TRNT1: variants seen among roughly 807,000 people sequenced by gnomAD.
The protein encoded by TRNT1 is tRNA nucleotidyl transferase 1.
In TRNT1, 44 loss-of-function variants were observed where a neutral mutation model predicts 45.6. The observed-to-expected ratio is 0.97, with a 90% CI of 0.76 to 1.24. TRNT1 has a LOEUF of 1.24. TRNT1 is among the 50% of genes most tolerant of loss of function. TRNT1 has a pLI of 0.00. For synonymous variants in TRNT1, 201 were observed against 171.4 expected (o/e 1.17, Z -1.35); for missense variants, 633 against 504.4 (o/e 1.25, Z -2.44).
At chr3:3,132,937 A>ATCTT (rs1322692373) in intron 2 of TRNT1, among the ~76,000 whole-genome samples, 1 of 152,102 alleles carries the variant, frequency 6.6e-6, no homozygotes, top group Non-Finnish European at 1.5e-5. Flanking sequence ...CAAGAATGGA[A>ATCTT]TCTTTTAGTG....
rs530118123 is a variant in TRNT1, at chr3:3,148,086, G to C, written c.1237G>C (p.Glu413Gln). The change falls in exon 8 of 8, where the codon GAA becomes CAA. Residue 413 changes from glutamate to glutamine, a missense_variant. Transcript: ENST00000251607. ...TGGGGCTCTATTACAACAGTTGCGA[G>C]AACAGTGGAAAAAAAGTGGTTACCA... ...EIGALLQQLR[E>Q]QWKKSGYQME... The C allele has an allele frequency of 1.9e-6, 3 of 1,613,692 alleles. No homozygotes were observed. Among genetic ancestry groups the C allele is most frequent in the East Asian group, 4.5e-5 (2 of 44,890 alleles).
intron 5 of TRNT1, among the ~76,000 whole-genome samples, chr3:3,146,079 GTTT>G (rs1005077606): frequency 6.9e-6 from 1 of 145,244 alleles, no homozygotes; most frequent in South Asian, 2.2e-4. Context: ...CAAGAATGCT[GTTT>G]TTTTTTTCAT....
intron 2 of TRNT1, chr3:3,130,238 A>C: frequency 2.5e-6 from 1 of 395,992 alleles, no homozygotes; most frequent in Non-Finnish European, 4.6e-6. Flanking sequence ...TTTAAAGCAC[A>C]CATGCTCGGG....
chr3:3,139,727 ATTTC>A (rs1408832166), intron 3 of TRNT1, among the ~76,000 whole-genome samples: 2 of 151,926 alleles, frequency 1.3e-5, no homozygotes, highest in African/African-American at 4.8e-5. Context: ...CTTTATTTTA[ATTTC>A]TTTCTTTCTC....
chr3:3,135,931 T>G (rs76820678), intron 2 of TRNT1, among the ~76,000 whole-genome samples: 1 of 152,168 alleles, frequency 6.6e-6, no homozygotes, highest in African/African-American at 2.4e-5. Context: ...TGACTTCTTA[T>G]AGGAGTTGGG....
chr3:3,137,710 G>A (rs1001413427), intron 3 of TRNT1, among the ~76,000 whole-genome samples: 1 of 149,978 alleles, frequency 6.7e-6, no homozygotes, highest in African/African-American at 2.5e-5. Context: ...GATGTGTTAC[G>A]TATTGACTTT....
chr3:3,144,236 C>A (rs564615781), intron 4 of TRNT1, among the ~76,000 whole-genome samples: 2 of 152,110 alleles, frequency 1.3e-5, no homozygotes, highest in Non-Finnish European at 2.9e-5. Flanking sequence ...AATCCTGTTA[C>A]GTATTTTTTC....
At chr3:3,132,562 T>C (rs2126008671) in intron 2 of TRNT1, among the ~76,000 whole-genome samples, 1 of 79,444 alleles carries the variant, frequency 1.3e-5, no homozygotes, top group East Asian at 4.1e-4. Flanking sequence ...GGGATAGCAT[T>C]GGGAGATATA....
chr3:3,144,650 T>A lies in TRNT1; in HGVS notation c.548T>A (p.Phe183Tyr). 1 of 1,582,790 alleles carries A rather than the reference T, an allele frequency of 6.3e-7. No individual in the cohort carries two copies. Among genetic ancestry groups the A allele is most frequent in the African/African-American group, 1.3e-5 (1 of 74,176 alleles). ...GATTTAAAAAATAAGAAAGTTAGAT[T>A]TGTTGGACATGCTAAACAGAGAATA... Reference protein sequence around the residue: ...YEDLKNKKVRFVGHAKQRIQE... With the variant: ...YEDLKNKKVRYVGHAKQRIQE... The change falls in exon 5 of 8, where the codon TTT becomes TAT. Residue 183 changes from phenylalanine (F) to tyrosine (Y), a missense_variant. Physicochemically the swap from Phe to Tyr is conservative, Grantham distance 22. Coordinates refer to ENST00000251607, the MANE Select transcript of TRNT1 (RefSeq NM_182916.3).
At position 3,147,710 on chromosome 3, in the gene TRNT1, A is replaced by G; in HGVS notation, c.1056+7A>G. On this transcript the variant is annotated splice_region_variant and intron_variant, in intron 7 of 7. Transcript: ENST00000251607. ...TCAAGACTTCATTATAGATGTAAGT[A>G]TATACTAGGCTTGGTCAGAAATATG... The G allele has an allele frequency of 1.9e-6, 3 of 1,597,774 alleles. No homozygotes were observed. The highest frequency in any genetic ancestry group is 1.7e-5 in the Admixed American group (1 of 57,242).
In TRNT1 at chr3:3,147,925, C is replaced by T; in HGVS notation, c.1076C>T (p.Thr359Ile). The T allele has an allele frequency of 6.2e-7, 1 of 1,613,100 alleles. No individual in the cohort carries two copies. The highest frequency in any genetic ancestry group is 8.5e-7 in the Non-Finnish European group (1 of 1,179,472). The change falls in exon 8 of 8, where the codon ACT becomes ATT. Residue 359 changes from threonine to isoleucine, a missense_variant. By Grantham distance (89) the Thr-to-Ile change is moderately conservative. Transcript: ENST00000251607. The part of the protein sequence containing the change: ...FIIDSREPDA[T>I]TRVCELLKYQ... The stretch of plus-strand genomic sequence containing the variant: ...ACGTAGTCTAGGGAACCTGATGCAA[C>T]TACTCGTGTATGTGAACTACTGAAG...
At chr3:3,136,818 C>G in intron 2 of TRNT1, 1 of 333,240 alleles carries the variant, frequency 3.0e-6, no homozygotes, top group South Asian at 2.3e-5. Flanking sequence ...CTGAACCTGG[C>G]TATTTTTATT....
In TRNT1 at chr3:3,128,598, C is replaced by CAAAAAAA. The variant is rs111647168; in HGVS notation, c.-27-399_-27-393dup. 2.1e-4 allele frequency among the ~76,000 whole-genome samples: 20 copies of CAAAAAAA among 96,060 alleles called. 1 individual carries two copies. Among genetic ancestry groups the CAAAAAAA allele is most frequent in the South Asian group, 5.6e-4 (1 of 1,786 alleles). 63.0% of individuals were successfully genotyped at this position (96,060 alleles called of 152,430 possible). Reference sequence around the variant, plus strand: ...TGAGCGACAGAGCGAGACTCCATCTCAAAAAAAAAAAAAAAAAAAAAAAGA... The same window carrying CAAAAAAA: ...TGAGCGACAGAGCGAGACTCCATCTCAAAAAAAAAAAAAAAAAAAAAAAAAAAAAAGA... On this transcript the variant is annotated intron_variant, in intron 1 of 7. Transcript: ENST00000251607.
At chr3:3,138,207 C>G (rs564870578) in intron 3 of TRNT1, among the ~76,000 whole-genome samples, 1 of 152,136 alleles carries the variant, frequency 6.6e-6, no homozygotes, top group Admixed American at 6.5e-5. Flanking sequence ...TTTTAATAAT[C>G]CAAAACCTGA....
chr3:3,129,315 G>A, intron 2 of TRNT1, 127 bp downstream of exon 2: 1 of 911,670 alleles, frequency 1.1e-6, no homozygotes, highest in East Asian at 2.7e-5. Flanking sequence ...AAAAACGTAA[G>A]TAGAGGGTCT....
rs1489589104 is a variant in TRNT1 at position 3,147,799 on chromosome 3, C to T, written c.1056+96C>T. The T allele has an allele frequency of 3.3e-6, 5 of 1,516,740 alleles. No individual in the cohort carries two copies. In the Admixed American group the frequency reaches 1.1e-4, roughly 34 times the overall value. The allele number at this position is 1,516,740 out of a possible 1,614,324, so 94.0% of individuals were successfully genotyped here. A position where few individuals can be genotyped will look rare whatever the true frequency, so the allele number is the denominator to read the frequency against. ...AAGATCTACAAATCTGTGAATTTTA[C>T]TTATTTTAAATGAAAAAATTTATGT... On this transcript the variant is annotated intron_variant, in intron 7 of 7. Coordinates refer to ENST00000251607, the MANE Select transcript of TRNT1 (RefSeq NM_182916.3).
At position 3,144,599 on chromosome 3, in the gene TRNT1, T is replaced by C. The variant is rs606231289; in HGVS notation, c.497T>C (p.Leu166Ser). The change falls in exon 5 of 8, where the codon TTA becomes TCA. Residue 166 changes from leucine (L) to serine (S), a missense_variant. Physicochemically the swap from Leu to Ser is moderately radical, Grantham distance 145 (BLOSUM62 -2). Transcript: ENST00000251607. Reference protein sequence around the residue: ...NSMFLGFDGTLFDYFNGYEDL... With the variant: ...NSMFLGFDGTSFDYFNGYEDL... ...TAATGAATAGGTTTTGATGGCACTT[T>C]ATTTGACTACTTTAATGGTTATGAA... 6.3e-7 allele frequency: 1 copy of C among 1,584,060 alleles called. No individual in the cohort carries two copies. The highest frequency in any genetic ancestry group is 2.3e-5 in the East Asian group (1 of 44,050).
intron 2 of TRNT1, 55 bp downstream of exon 2, chr3:3,129,243 G>A: frequency 1.4e-6 from 2 of 1,471,760 alleles, no homozygotes; most frequent in Non-Finnish European, 1.9e-6. Context: ...TGGAGAAGTA[G>A]AGGGTTAACT....
At chr3:3,144,848 C>T (rs563373566) in intron 5 of TRNT1, 138 bp downstream of exon 5, 3 of 764,434 alleles carry the variant, frequency 3.9e-6, no homozygotes, top group East Asian at 3.7e-5. Flanking sequence ...GACCTAGCAC[C>T]CTATGACTTA....
Sources: gnomAD v4.1 joint callset for allele counts (sites outside exome capture counted in the v4.1 genomes callset) on GRCh38, gnomAD v4.1.1 for gene constraint, MANE v1.5 for transcripts, NCBI Gene and HGNC (gene_info 2026-07-23, HGNC 2026-07-21) for gene names.